PTPRD: variants seen among roughly 807,000 people sequenced by gnomAD.
PTPRD encodes the protein receptor-type tyrosine-protein phosphatase delta.
A neutral mutation model predicts 214.5 loss-of-function variants in PTPRD; 34 were observed. The ratio of observed to expected loss-of-function variants is 0.16; its 90% CI spans 0.12 to 0.21. The LOEUF is 0.21. Among genes scored for constraint, PTPRD ranks in the 10% least tolerant of loss-of-function variants. PTPRD has a pLI of 1.00. For synonymous variants in PTPRD, 1,128 were observed against 845.7 expected (o/e 1.33, Z -5.79); for missense variants, 2,545 against 2,398.7 (o/e 1.06, Z -1.27).
At chr9:10,463,223 G>T (rs1468311225) in intron 2 of PTPRD, among the ~76,000 whole-genome samples, 2 of 151,954 alleles carry the variant, frequency 1.3e-5, no homozygotes, top group Admixed American at 6.6e-5. Flanking sequence ...CTGGGTGCTA[G>T]GATTACAAGC....
chr9:10,577,002 A>G (rs1475094211), intron 2 of PTPRD, among the ~76,000 whole-genome samples: 1 of 152,140 alleles, frequency 6.6e-6, no homozygotes, highest in African/African-American at 2.4e-5. Flanking sequence ...CTTGAAATAG[A>G]AATGGAGAAC....
At chr9:9,105,633 A>T (rs1302238839) in intron 10 of PTPRD, among the ~76,000 whole-genome samples, 1 of 152,176 alleles carries the variant, frequency 6.6e-6, no homozygotes, top group East Asian at 1.9e-4. Flanking sequence ...ATCAACTAAG[A>T]TCAGAATTTC....
chr9:10,572,729 A>G (rs923931702), intron 2 of PTPRD, among the ~76,000 whole-genome samples: 1 of 152,164 alleles, frequency 6.6e-6, no homozygotes, highest in African/African-American at 2.4e-5. Flanking sequence ...CACTGAATCA[A>G]GTAAATGTAT....
At chr9:9,197,019 T>G (rs1222405480) in intron 9 of PTPRD, among the ~76,000 whole-genome samples, 2 of 152,112 alleles carry the variant, frequency 1.3e-5, no homozygotes, top group African/African-American at 4.8e-5. Flanking sequence ...AAAAACATAA[T>G]AACATTGTCA....
chr9:9,278,366 G>T (rs1217024310), intron 9 of PTPRD, among the ~76,000 whole-genome samples: 2 of 151,154 alleles, frequency 1.3e-5, no homozygotes, highest in Non-Finnish European at 3.0e-5. Context: ...TATACAGTGG[G>T]AAATTCACTA....
chr9:9,895,306 G>C (rs953507385), intron 5 of PTPRD, among the ~76,000 whole-genome samples: 1 of 149,310 alleles, frequency 6.7e-6, no homozygotes, highest in African/African-American at 2.6e-5. Flanking sequence ...GGTGGTAACA[G>C]TGGGAAGGGG....
intron 15 of PTPRD, among the ~76,000 whole-genome samples, chr9:8,527,576 A>C (rs912991062): frequency 1.3e-5 from 2 of 152,116 alleles, no homozygotes; most frequent in African/African-American, 4.8e-5. Flanking sequence ...ATCACAGGAC[A>C]GGTCAAAAGC....
intron 22 of PTPRD, among the ~76,000 whole-genome samples, chr9:8,505,698 G>C (rs1187365874): frequency 6.6e-6 from 1 of 151,026 alleles, no homozygotes; most frequent in East Asian, 1.9e-4. Flanking sequence ...ACCATCCCTA[G>C]GGTGTTCTGA....
rs530474424 is a variant in PTPRD at position 10,453,795 on chromosome 9, G to C, written c.-599-112778C>G. Among the ~76,000 whole-genome samples the C allele has an allele frequency of 4.0e-5, 6 of 151,128 alleles. No homozygotes were observed. The South Asian group carries it at 6.2e-4, about 16-fold the overall frequency. ...TCCAATGTGGATGTCTTTTATTTTT[G>C]TTCTTGCCTAATTGTTGTTTAGGAT... On this transcript the variant is annotated intron_variant, in intron 2 of 45. Coordinates refer to ENST00000381196, the MANE Select transcript of PTPRD (RefSeq NM_002839.4).
intron 37 of PTPRD, 92 bp downstream of exon 37, chr9:8,389,140 G>A (rs2088467108): frequency 9.0e-7 from 1 of 1,116,094 alleles, no homozygotes; most frequent in Non-Finnish European, 1.3e-6. Context: ...TAAGCCTTAG[G>A]GAAAGGTTAG....
intron 2 of PTPRD, among the ~76,000 whole-genome samples, chr9:10,449,306 G>T (rs545166127): frequency 6.6e-6 from 1 of 151,936 alleles, no homozygotes; most frequent in Non-Finnish European, 1.5e-5. Flanking sequence ...CTCCCGAGGC[G>T]CCGGGATTGC....
intron 3 of PTPRD, among the ~76,000 whole-genome samples, chr9:10,305,329 T>C (rs2096020653): frequency 6.8e-6 from 1 of 147,608 alleles, no homozygotes. Context: ...GGCAATACCA[T>C]TCAGGACATA....
chr9:8,771,603 G>A (rs2095218218), intron 11 of PTPRD, among the ~76,000 whole-genome samples: 1 of 152,070 alleles, frequency 6.6e-6, no homozygotes, highest in Non-Finnish European at 1.5e-5. Flanking sequence ...GGAGATTTGT[G>A]GAGTGGAAAT....
chr9:10,214,553 C>T (rs988180905), intron 3 of PTPRD, among the ~76,000 whole-genome samples: 2 of 151,254 alleles, frequency 1.3e-5, no homozygotes, highest in East Asian at 3.9e-4. Context: ...TAAGAATACA[C>T]ACCCGAGCTA....
chr9:9,973,045 T>G (rs939320652), intron 4 of PTPRD, among the ~76,000 whole-genome samples: 1 of 152,114 alleles, frequency 6.6e-6, no homozygotes. Flanking sequence ...AAAACTGATA[T>G]TGGAAAGTAA....
chr9:9,014,597 G>A (rs1219242319), intron 11 of PTPRD, among the ~76,000 whole-genome samples: 1 of 152,096 alleles, frequency 6.6e-6, no homozygotes, highest in African/African-American at 2.4e-5. Flanking sequence ...TTTATTTATG[G>A]TAATAACAAT....
At chr9:9,828,907 C>G (rs754142015) in intron 5 of PTPRD, among the ~76,000 whole-genome samples, 12 of 151,696 alleles carry the variant, frequency 7.9e-5, no homozygotes, top group African/African-American at 2.9e-4. Context: ...TATGCTGTTT[C>G]AATTGAAATT....
intron 8 of PTPRD, among the ~76,000 whole-genome samples, chr9:9,530,828 A>C (rs993730544): frequency 6.6e-6 from 1 of 152,158 alleles, no homozygotes; most frequent in African/African-American, 2.4e-5. Flanking sequence ...AGGGCTAAAA[A>C]TGCTGATCTC....
intron 11 of PTPRD, among the ~76,000 whole-genome samples, chr9:8,853,027 A>G (rs1236206083): frequency 2.0e-5 from 3 of 152,212 alleles, no homozygotes; most frequent in Non-Finnish European, 4.4e-5. Context: ...AGTCCTAAAA[A>G]TATTTTATAA....
Sources: allele counts gnomAD v4.1 joint callset (sites outside exome capture counted in the v4.1 genomes callset), GRCh38; gene constraint gnomAD v4.1.1; transcripts MANE v1.5; gene names NCBI Gene and HGNC (gene_info 2026-07-23, HGNC 2026-07-21).